ZNF804B: variants seen among roughly 807,000 people sequenced by gnomAD.
The protein encoded by ZNF804B is zinc finger protein 804B, also known as zinc finger 804B.
Under a neutral mutation model 101.4 loss-of-function variants are expected in ZNF804B, and 80 were observed. The observed-to-expected ratio is 0.79, with a 90% CI of 0.66 to 0.95. The LOEUF (loss-of-function observed/expected upper bound fraction) is 0.95. Ranked by LOEUF, ZNF804B falls within the 40% of genes least tolerant of loss-of-function variation. The probability of loss-of-function intolerance (pLI) is 0.00; values close to 1 mark genes in which losing one functional copy is unlikely to be tolerated. For synonymous variants in ZNF804B, 622 were observed against 558.8 expected (o/e 1.11, Z -1.59); for missense variants, 1,673 against 1,561.9 (o/e 1.07, Z -1.20).
chr7:88,802,398 T>C (rs926399120), intron 1 of ZNF804B, among the ~76,000 whole-genome samples: 1 of 152,106 alleles, frequency 6.6e-6, no homozygotes, highest in South Asian at 2.1e-4. Context: ...ATTTTTGTTT[T>C]TGTTAAAATA....
At chr7:88,864,899 G>T (rs748782140) in intron 1 of ZNF804B, among the ~76,000 whole-genome samples, 1 of 152,238 alleles carries the variant, frequency 6.6e-6, no homozygotes, top group Admixed American at 6.5e-5. Flanking sequence ...CTGCAAACTT[G>T]ATTTTCTTCT....
intron 1 of ZNF804B, among the ~76,000 whole-genome samples, chr7:89,212,855 G>A (rs1788825783): frequency 1.3e-5 from 2 of 152,014 alleles, no homozygotes; most frequent in Non-Finnish European, 2.9e-5. Flanking sequence ...TTATGCTAAG[G>A]AGGCATACTG....
intron 1 of ZNF804B, among the ~76,000 whole-genome samples, chr7:88,916,414 A>G (rs1482300043): frequency 6.6e-6 from 1 of 152,116 alleles, no homozygotes; most frequent in African/African-American, 2.4e-5. Context: ...TGGTATTGGT[A>G]ATGAAAACAA....
intron 1 of ZNF804B, among the ~76,000 whole-genome samples, chr7:89,078,118 A>G (rs1455870355): frequency 1.3e-5 from 2 of 152,144 alleles, no homozygotes; most frequent in Non-Finnish European, 2.9e-5. Context: ...CGAACTTAGT[A>G]ATGGGATAGT....
intron 1 of ZNF804B, among the ~76,000 whole-genome samples, chr7:88,960,319 A>G (rs967041963): frequency 1.3e-5 from 2 of 151,376 alleles, no homozygotes; most frequent in African/African-American, 4.8e-5. Flanking sequence ...AGTGGTAAAC[A>G]GAGAACTATG....
At chr7:88,876,862 C>T (rs1053673776) in intron 1 of ZNF804B, among the ~76,000 whole-genome samples, 1 of 149,252 alleles carries the variant, frequency 6.7e-6, no homozygotes, top group East Asian at 2.0e-4. Context: ...AAATATACAC[C>T]ACTTAAAAAG....
At chr7:89,190,802 TC>T (rs1168369551) in intron 1 of ZNF804B, among the ~76,000 whole-genome samples, 5 of 152,086 alleles carry the variant, frequency 3.3e-5, no homozygotes, top group Admixed American at 2.6e-4. Context: ...AAGAAGACCC[TC>T]CCTCAGCAAA....
At chr7:88,782,531 C>A (rs544742820) in intron 1 of ZNF804B, among the ~76,000 whole-genome samples, 1 of 151,970 alleles carries the variant, frequency 6.6e-6, no homozygotes, top group Admixed American at 6.6e-5. Flanking sequence ...TTCAAATATG[C>A]AAATGTATGT....
At chr7:89,144,492 A>G (rs543202225) in intron 1 of ZNF804B, among the ~76,000 whole-genome samples, 1 of 152,148 alleles carries the variant, frequency 6.6e-6, no homozygotes, top group South Asian at 2.1e-4. Context: ...GAGAATTAGA[A>G]AAAGTGGAAC....
intron 1 of ZNF804B, among the ~76,000 whole-genome samples, chr7:89,032,827 A>T (rs1034812124): frequency 6.6e-6 from 1 of 152,080 alleles, no homozygotes; most frequent in African/African-American, 2.4e-5. Context: ...TAAATACACA[A>T]ATATGGTTGC....
chr7:88,807,900 A>T (rs1790717179), intron 1 of ZNF804B, among the ~76,000 whole-genome samples: 1 of 152,154 alleles, frequency 6.6e-6, no homozygotes, highest in Non-Finnish European at 1.5e-5. Flanking sequence ...TTCATTATTA[A>T]ATTCTCTGGT....
chr7:89,059,987 C>G (rs1406002497), intron 1 of ZNF804B, among the ~76,000 whole-genome samples: 1 of 152,106 alleles, frequency 6.6e-6, no homozygotes, highest in Non-Finnish European at 1.5e-5. Context: ...GAGCTCTGGA[C>G]TGACTCACTA....
At chr7:89,042,482 C>G (rs1034472816) in intron 1 of ZNF804B, among the ~76,000 whole-genome samples, 1 of 152,046 alleles carries the variant, frequency 6.6e-6, no homozygotes, top group Non-Finnish European at 1.5e-5. Flanking sequence ...AAAATATTTA[C>G]CAAATCTGAG....
intron 1 of ZNF804B, among the ~76,000 whole-genome samples, chr7:89,120,001 C>A (rs2116364595): frequency 6.6e-6 from 1 of 151,104 alleles, no homozygotes; most frequent in African/African-American, 2.4e-5. Flanking sequence ...CATAGAGTTA[C>A]TAGAAAAATT....
chr7:89,250,993 G>C lies in ZNF804B; in HGVS notation c.249+32698G>C, dbSNP rs116610105. On this transcript the variant is annotated intron_variant, in intron 2 of 3. Transcript: ENST00000333190. ...ACCCATAGCCAACATCATAGTGAATGGGCAAAAACTAGAGGCATTCCCCCT... is the reference window on the plus strand; with the variant it reads ...ACCCATAGCCAACATCATAGTGAATCGGCAAAAACTAGAGGCATTCCCCCT... Among the ~76,000 whole-genome samples, 338 of 152,240 alleles carry C rather than the reference G, an allele frequency of 2.2e-3. 2 individuals carry two copies. Among genetic ancestry groups the C allele is most frequent in the African/African-American group, 8.0e-3 (331 of 41,548 alleles).
intron 1 of ZNF804B, among the ~76,000 whole-genome samples, chr7:89,041,407 A>G (rs931354282): frequency 6.6e-6 from 1 of 152,054 alleles, no homozygotes; most frequent in Non-Finnish European, 1.5e-5. Context: ...TGATGCTGGG[A>G]CAGGTCTTAA....
At chr7:89,169,215 C>G (rs946513433) in intron 1 of ZNF804B, among the ~76,000 whole-genome samples, 26 of 152,120 alleles carry the variant, frequency 1.7e-4, no homozygotes, top group Non-Finnish European at 1.0e-4. Context: ...AACGAAACCT[C>G]AGCTCGAGCT....
intron 1 of ZNF804B, among the ~76,000 whole-genome samples, chr7:88,865,301 G>A (rs1283272457): frequency 4.6e-5 from 7 of 151,880 alleles, no homozygotes; most frequent in Non-Finnish European, 1.0e-4. Context: ...GGAGGCTGAG[G>A]CAGGAGGATC....
chr7:89,210,041 C>A (rs1024896212), intron 1 of ZNF804B, among the ~76,000 whole-genome samples: 1 of 151,566 alleles, frequency 6.6e-6, no homozygotes, highest in Non-Finnish European at 1.5e-5. Flanking sequence ...CCCAGCTACT[C>A]AGGAGGCTGA....
Sources: allele counts gnomAD v4.1 joint callset (sites outside exome capture counted in the v4.1 genomes callset), GRCh38; gene constraint gnomAD v4.1.1; transcripts MANE v1.5; gene names NCBI Gene and HGNC (gene_info 2026-07-23, HGNC 2026-07-21).